FIS1: variants seen among roughly 807,000 people sequenced by gnomAD.
FIS1 encodes the protein fission, mitochondrial 1.
FIS1 carries 16 observed loss-of-function variants against 21.6 expected under a neutral mutation model. That is an observed-to-expected ratio of 0.74 (90% CI 0.50 to 1.12). The LOEUF is 1.12. Among genes scored for constraint, FIS1 ranks in the 50% most tolerant of loss-of-function variants. The pLI is 0.00. For missense variants in FIS1, 198 were observed against 190.9 expected (o/e 1.04, Z -0.22); for synonymous variants, 92 against 82.2 (o/e 1.12, Z -0.65).
chr7:101,240,574 G>A (rs193288625), intron 3 of FIS1, among the ~76,000 whole-genome samples: 88 of 152,086 alleles, frequency 5.8e-4, no homozygotes, highest in African/African-American at 2.0e-3. Flanking sequence ...CCCACCCCAC[G>A]GAGTAGAGTC....
In FIS1 at chr7:101,240,074, T is replaced by C; in HGVS notation, c.361+68A>G. 3.8e-6 allele frequency: 6 copies of C among 1,564,106 alleles called. No homozygotes were observed. The South Asian group carries it at 6.7e-5, about 17-fold the overall frequency. On this transcript the variant is annotated intron_variant, in intron 4 of 4. Coordinates refer to ENST00000223136, the MANE Select transcript of FIS1 (RefSeq NM_016068.3). Reference sequence around the variant, plus strand: ...TGAGGGGCTGCCTGGAGGGGTTCATTTACAGAGAGACCAAAGTGCCCAGGC... The same window carrying C: ...TGAGGGGCTGCCTGGAGGGGTTCATCTACAGAGAGACCAAAGTGCCCAGGC...
At chr7:101,242,332 T>C (rs1235934819) in intron 2 of FIS1, among the ~76,000 whole-genome samples, 1 of 152,226 alleles carries the variant, frequency 6.6e-6, no homozygotes, top group African/African-American at 2.4e-5. Context: ...TTCCTGTCTG[T>C]ACTGTTTTCT....
Position 101,240,148 on chromosome 7 carries a change from T to C in FIS1, c.355A>G (p.Lys119Glu), listed in dbSNP as rs1013957553. 1 of 1,613,998 alleles carries C rather than the reference T, an allele frequency of 6.2e-7. No homozygotes were observed. Among genetic ancestry groups the C allele is most frequent in the Non-Finnish European group, 8.5e-7 (1 of 1,180,016 alleles). Residue 119 changes from lysine to glutamate, a missense_variant, in exon 4 of 5, where the codon AAG (lysine) becomes GAG (glutamate). By Grantham distance (56) the Lys-to-Glu change is moderately conservative. Transcript: ENST00000223136. Reference sequence around the variant, plus strand: ...AAGGGGCCGAGGCTGTCACCTTTCTTCATGGCCTTGTCAATGAGCCGCTCC... The same window carrying C: ...AAGGGGCCGAGGCTGTCACCTTTCTCCATGGCCTTGTCAATGAGCCGCTCC... ...ELERLIDKAMKKDGLVGMAIV... is the reference protein window; with the variant it reads ...ELERLIDKAMEKDGLVGMAIV...
intron 1 of FIS1, chr7:101,244,599 A>G: frequency 2.4e-6 from 1 of 408,236 alleles, no homozygotes; most frequent in Non-Finnish European, 4.5e-6. Context: ...GCGATGCCTT[A>G]GCACCGTGCC....
At chr7:101,240,280 C>T in intron 3 of FIS1, 33 bp from the exon 4 acceptor site, 2 of 1,599,908 alleles carry the variant, frequency 1.3e-6, no homozygotes, top group Non-Finnish European at 1.7e-6. Context: ...GCGTCATACA[C>T]ACCGCAGTGT....
In FIS1 at chr7:101,245,065, T is replaced by A. The variant is rs1798800009; in HGVS notation, c.-61A>T. The A allele has an allele frequency of 2.6e-6, 4 of 1,568,548 alleles. No individual in the cohort carries two copies. Among genetic ancestry groups the A allele is most frequent in the African/African-American group, 2.7e-5 (2 of 73,572 alleles). ...CTGTGCCACAGTCTCCATGGCCCAGTGGCAGGGGCGGAGAACCACTTCCGG... is the reference window on the plus strand; with the variant it reads ...CTGTGCCACAGTCTCCATGGCCCAGAGGCAGGGGCGGAGAACCACTTCCGG... On this transcript the variant is annotated 5_prime_UTR_variant, in exon 1 of 5. Coordinates refer to ENST00000223136, the MANE Select transcript of FIS1 (RefSeq NM_016068.3).
In FIS1 at chr7:101,244,418, C is replaced by T. The variant is rs1798786821; in HGVS notation, c.46-279G>A. ...CAGGCACCGCTCCCGGAGCAGCTGA[C>T]CCCGGCGGCCGAACAGTAAACACGC... is the stretch of plus-strand genomic sequence containing the variant. On this transcript the variant is annotated intron_variant, in intron 1 of 4. Coordinates refer to ENST00000223136, the MANE Select transcript of FIS1 (RefSeq NM_016068.3). 4.0e-5 allele frequency: 17 copies of T among 427,020 alleles called. No homozygotes were observed. In the South Asian group the frequency reaches 5.0e-4, roughly 13 times the overall value. 26.5% of individuals were successfully genotyped at this position (427,020 alleles called of 1,614,324 possible).
chr7:101,244,153 G>C lies in FIS1; in HGVS notation c.46-14C>G, dbSNP rs747377781. The C allele has an allele frequency of 6.2e-7, 1 of 1,611,416 alleles. No homozygotes were observed. The highest frequency in any genetic ancestry group is 1.3e-5 in the African/African-American group (1 of 74,996). ...CTTTTCAAACTTCTGCCACAGGGGA[G>C]GAAAGGAATCATTTAGAAATGTAGG... On this transcript the variant is annotated splice_polypyrimidine_tract_variant and intron_variant, in intron 1 of 4. Transcript: ENST00000223136.
At chr7:101,240,293 TTTTG>T (rs750807708) in intron 3 of FIS1, 46 bp from the exon 4 acceptor site, 677 of 1,586,382 alleles carry the variant, frequency 4.3e-4, no homozygotes, top group Non-Finnish European at 5.2e-4. Context: ...CGCAGTGTTT[TTTTG>T]TTTGTTTGTT....
At chr7:101,239,996 C>A in intron 4 of FIS1, 93 bp from the exon 5 acceptor site, 2 of 1,423,252 alleles carry the variant, frequency 1.4e-6, no homozygotes, top group Non-Finnish European at 1.9e-6. Context: ...CAGAGGCACA[C>A]CCCTACCTGG....
intron 4 of FIS1, 107 bp from the exon 5 acceptor site, chr7:101,240,010 C>G: frequency 1.4e-6 from 2 of 1,411,080 alleles, no homozygotes; most frequent in African/African-American, 1.4e-5. Flanking sequence ...TACCTGGAGT[C>G]GCAGGGCAAG....
chr7:101,239,859 C>T lies in FIS1; in HGVS notation c.406G>A (p.Val136Met). The change falls in exon 5 of 5, where the codon GTG (valine) becomes ATG (methionine). Residue 136 changes from valine to methionine, a missense_variant. Coordinates refer to ENST00000223136, the MANE Select transcript of FIS1 (RefSeq NM_016068.3). ...CCGATGAGTCCGGCCAGTCCCGCCA[C>T]ACCCAGGGCCATGCCTCCCACGATG... ...MAIVGGMALG[V>M]AGLAGLIGLA... 2 of 1,609,400 alleles carry T rather than the reference C, an allele frequency of 1.2e-6. 1 individual carries two copies. Among genetic ancestry groups the T allele is most frequent in the Non-Finnish European group, 1.7e-6 (2 of 1,178,022 alleles).
intron 4 of FIS1, 99 bp downstream of exon 4, chr7:101,240,043 T>G (rs1584270311): frequency 2.8e-6 from 4 of 1,451,252 alleles, no homozygotes; most frequent in Non-Finnish European, 3.8e-6. Flanking sequence ...CTGGAAGGGG[T>G]GGGGCTGAGG....
In FIS1 at chr7:101,239,475, G is replaced by A. The variant is rs1174163254; in HGVS notation, c.*331C>T. On this transcript the variant is annotated 3_prime_UTR_variant, in exon 5 of 5. Coordinates refer to ENST00000223136, the MANE Select transcript of FIS1 (RefSeq NM_016068.3). ...CAGGAAAGGGAGGAAGGAAGGGTGT[G>A]GGCTCTGGGCTGCGGGGTGGACAAA... 9.7e-6 allele frequency: 4 copies of A among 414,254 alleles called. No individual in the cohort carries two copies. Among genetic ancestry groups the A allele is most frequent in the South Asian group, 2.1e-5 (1 of 48,072 alleles). The allele number at this position is 414,254 out of a possible 1,614,324, so 25.7% of individuals were successfully genotyped here.
chr7:101,239,912 G>T lies in FIS1; in HGVS notation c.362-9C>A. ...CATGCCCACGAGTCCATCTGGGGAA[G>T]GAAAGGGACAGTGTCAGGAGCCCGG... On this transcript the variant is annotated splice_polypyrimidine_tract_variant and intron_variant, in intron 4 of 4. Coordinates refer to ENST00000223136, the MANE Select transcript of FIS1 (RefSeq NM_016068.3). The T allele has an allele frequency of 6.3e-7, 1 of 1,595,872 alleles. No homozygotes were observed. The highest frequency in any genetic ancestry group is 8.5e-7 in the Non-Finnish European group (1 of 1,170,492).
intron 2 of FIS1, chr7:101,241,311 C>T (rs780638838): frequency 3.5e-5 from 6 of 172,456 alleles, no homozygotes; most frequent in Non-Finnish European, 7.5e-5. Context: ...ACCTTCGCCT[C>T]CTGGGTTCAA....
intron 2 of FIS1, 90 bp downstream of exon 2, chr7:101,243,917 C>A: frequency 6.7e-7 from 1 of 1,484,990 alleles, no homozygotes; most frequent in Non-Finnish European, 9.0e-7. Context: ...AGTAAATCTA[C>A]CGGAGACAAC....
chr7:101,240,977 G>A, intron 2 of FIS1, 71 bp from the exon 3 acceptor site: 2 of 1,479,080 alleles, frequency 1.4e-6, no homozygotes, highest in Non-Finnish European at 1.9e-6. Flanking sequence ...TGTCCCAGAG[G>A]CCCCTTCCAC....
chr7:101,240,950 A>G (rs780569706), intron 2 of FIS1, 44 bp from the exon 3 acceptor site: 20 of 1,582,914 alleles, frequency 1.3e-5, no homozygotes, highest in Non-Finnish European at 1.6e-5. Flanking sequence ...TTCTTTCCTA[A>G]TACTTTCCTA....
Sources: allele counts gnomAD v4.1 joint callset (sites outside exome capture counted in the v4.1 genomes callset), GRCh38; gene constraint gnomAD v4.1.1; transcripts MANE v1.5; gene names NCBI Gene and HGNC (gene_info 2026-07-23, HGNC 2026-07-21).